The following EPB41L4A variants were observed in gnomAD, a reference collection of about 807,000 sequenced individuals.
EPB41L4A encodes erythrocyte membrane protein band 4.1 like 4A, also known as band 4.1-like protein 4A.
In EPB41L4A, 100 loss-of-function variants were observed where a neutral mutation model predicts 108.6. That is an observed-to-expected ratio of 0.92 (90% CI 0.78 to 1.09). The LOEUF (loss-of-function observed/expected upper bound fraction) is 1.09, where lower values mean the gene tolerates loss of function less well. Among genes scored for constraint, EPB41L4A ranks in the 50% least tolerant of loss-of-function variants. The pLI, the probability that EPB41L4A is intolerant of heterozygous loss-of-function variation, is 0.00. For synonymous variants in EPB41L4A, 319 were observed against 289.0 expected, an observed-to-expected ratio of 1.10 and a Z score of -1.05; for missense variants, 1,030 against 842.7, an observed-to-expected ratio of 1.22 and a Z score of -2.75.
intron 18 of EPB41L4A, among the ~76,000 whole-genome samples, chr5:112,172,949 A>G (rs1357971601): frequency 2.0e-5 from 3 of 152,222 alleles, no homozygotes; most frequent in African/African-American, 7.2e-5. Flanking sequence ...TAGCATGATC[A>G]GTAGCACCTG....
At chr5:112,330,756 TA>T (rs544029271) in intron 1 of EPB41L4A, among the ~76,000 whole-genome samples, 291 of 143,260 alleles carry the variant, frequency 2.0e-3, no homozygotes, top group South Asian at 3.1e-3. Context: ...GGTATAGGTT[TA>T]AAAAAAAAAA....
chr5:112,264,978 C>T lies in EPB41L4A; in HGVS notation c.472G>A (p.Gly158Arg). Residue 158 changes from glycine (G) to arginine (R), a missense_variant, in exon 6 of 23, where the codon GGA becomes AGA. Physicochemically the swap from Gly to Arg is moderately radical, Grantham distance 125. Transcript: ENST00000261486. ...GDYDPYKHTAGYVSEYRFVPD... is the reference protein window; with the variant it reads ...GDYDPYKHTARYVSEYRFVPD... ...ACAAACCGGTACTCAGATACATATC[C>T]TGCAGTATGTTTATATGGGTCATAA... The T allele has an allele frequency of 1.2e-6, 2 of 1,610,658 alleles. No individual in the cohort carries two copies. Among genetic ancestry groups the T allele is most frequent in the Non-Finnish European group, 1.7e-6 (2 of 1,178,466 alleles).
intron 11 of EPB41L4A, among the ~76,000 whole-genome samples, chr5:112,237,060 C>T (rs1234710020): frequency 6.6e-6 from 1 of 152,164 alleles, no homozygotes; most frequent in African/African-American, 2.4e-5. Context: ...TCTCAATTCT[C>T]AAGTGTAAAT....
Position 112,338,598 on chromosome 5 carries a change from A to ACC in EPB41L4A, c.100-31110_100-31109dup, listed in dbSNP as rs60008914. On this transcript the variant is annotated intron_variant, in intron 1 of 22. Coordinates refer to ENST00000261486, the MANE Select transcript of EPB41L4A (RefSeq NM_022140.5). Reference sequence around the variant, plus strand: ...TCTACCAGCGTATATAAAAAAGAACACCCCCCGCCACCACACACAAAAAGA... The same window carrying ACC: ...TCTACCAGCGTATATAAAAAAGAACACCCCCCCCGCCACCACACACAAAAAGA... 1.3e-4 allele frequency among the ~76,000 whole-genome samples: 19 copies of ACC among 151,434 alleles called. No homozygotes were observed. In the East Asian group the frequency reaches 1.4e-3, roughly 11 times the overall value.
intron 2 of EPB41L4A, among the ~76,000 whole-genome samples, chr5:112,294,703 G>A (rs55637388): frequency 0.2 from 30,780 of 151,800 alleles, 4,260 homozygotes; most frequent in African/African-American, 0.39. Context: ...GAGACACTAT[G>A]GTACAGCTAA....
intron 1 of EPB41L4A, among the ~76,000 whole-genome samples, chr5:112,359,652 T>C (rs1273505175): frequency 2.0e-5 from 3 of 152,058 alleles, no homozygotes; most frequent in Non-Finnish European, 4.4e-5. Context: ...ACCATTCTCC[T>C]GCCTCAGCCT....
intron 17 of EPB41L4A, among the ~76,000 whole-genome samples, chr5:112,187,203 T>C (rs925184563): frequency 1.3e-5 from 2 of 152,216 alleles, no homozygotes; most frequent in African/African-American, 4.8e-5. Context: ...CTATTAATTT[T>C]CAAATGTTGC....
chr5:112,403,337 C>CAAAAAAAAAAAAA (rs113132902), intron 1 of EPB41L4A, among the ~76,000 whole-genome samples: 1 of 78,654 alleles, frequency 1.3e-5, no homozygotes, highest in African/African-American at 3.5e-5. Context: ...TAATCCTCAG[C>CAAAAAAAAAAAAA]AAAAAAAAAA....
intron 9 of EPB41L4A, among the ~76,000 whole-genome samples, chr5:112,258,895 A>G (rs900819169): frequency 2.6e-5 from 4 of 152,190 alleles, no homozygotes; most frequent in Non-Finnish European, 5.9e-5. Flanking sequence ...AATGCAGGCT[A>G]TACCCTTCTG....
At chr5:112,371,204 T>C (rs1759472003) in intron 1 of EPB41L4A, among the ~76,000 whole-genome samples, 1 of 152,228 alleles carries the variant, frequency 6.6e-6, no homozygotes, top group Non-Finnish European at 1.5e-5. Context: ...CTAGCAGCTG[T>C]TAGCTAGCAT....
chr5:112,333,361 A>C (rs1409789154), intron 1 of EPB41L4A, among the ~76,000 whole-genome samples: 1 of 152,168 alleles, frequency 6.6e-6, no homozygotes, highest in Non-Finnish European at 1.5e-5. Flanking sequence ...TGCTGACCTT[A>C]CCAGCCAATT....
chr5:112,419,112 G>A lies in EPB41L4A; in HGVS notation c.-73C>T, dbSNP rs1039277557. On this transcript the variant is annotated 5_prime_UTR_variant, in exon 1 of 23. Coordinates refer to ENST00000261486, the MANE Select transcript of EPB41L4A (RefSeq NM_022140.5). ...GCCCAGCCGCCCCCTCCACTCAAGC[G>A]CGATGCATTAATTTATTGTCCGCGC... 5 of 1,133,742 alleles carry A rather than the reference G, an allele frequency of 4.4e-6. No individual in the cohort carries two copies. The South Asian group carries it at 5.0e-5, about 11-fold the overall frequency. 70.2% of individuals were successfully genotyped at this position (1,133,742 alleles called of 1,614,324 possible). A position where few individuals can be genotyped will look rare whatever the true frequency, so the allele number is the denominator to read the frequency against.
chr5:112,255,374 T>C (rs1267830766), intron 9 of EPB41L4A, among the ~76,000 whole-genome samples: 1 of 152,204 alleles, frequency 6.6e-6, no homozygotes, highest in Non-Finnish European at 1.5e-5. Context: ...TAATTTCTTT[T>C]TCTGACTTTT....
intron 1 of EPB41L4A, among the ~76,000 whole-genome samples, chr5:112,395,350 A>T (rs1017062646): frequency 3.9e-5 from 6 of 152,258 alleles, no homozygotes; most frequent in African/African-American, 1.4e-4. Flanking sequence ...TACTCATCTG[A>T]CAAAGGACTA....
chr5:112,411,222 A>C (rs1264191387), intron 1 of EPB41L4A, among the ~76,000 whole-genome samples: 2 of 152,200 alleles, frequency 1.3e-5, no homozygotes, highest in East Asian at 1.9e-4. Flanking sequence ...CCAGAAAATA[A>C]GGAAGTTGGG....
chr5:112,225,524 T>C (rs1161454335), intron 12 of EPB41L4A, among the ~76,000 whole-genome samples: 3 of 152,228 alleles, frequency 2.0e-5, no homozygotes, highest in South Asian at 2.1e-4. Flanking sequence ...CAGTAATCTG[T>C]AGGGCTTTTG....
In EPB41L4A at chr5:112,204,401, A is replaced by C; in HGVS notation, c.1350T>G (p.Asn450Lys). Residue 450 changes from asparagine (N) to lysine (K), a missense_variant, in exon 15 of 23, where the codon AAT becomes AAG. Asn to Lys is a moderately conservative substitution (Grantham distance 94). Coordinates refer to ENST00000261486, the MANE Select transcript of EPB41L4A (RefSeq NM_022140.5). The stretch of plus-strand genomic sequence containing the variant: ...TCCTCCTCACAGGCTGTACAGAATC[A>C]TTGTCACTTCCACAGGAGGGGTTTC... ...RRRNPSCGSD[N>K]DSVQPVRRRK... The C allele has an allele frequency of 1.9e-6, 3 of 1,613,556 alleles. No homozygotes were observed. The highest frequency in any genetic ancestry group is 2.5e-6 in the Non-Finnish European group (3 of 1,179,526).
chr5:112,330,019 G>A (rs892066351), intron 1 of EPB41L4A, among the ~76,000 whole-genome samples: 12 of 152,040 alleles, frequency 7.9e-5, no homozygotes, highest in Non-Finnish European at 1.2e-4. Context: ...CTGCACCACA[G>A]ACTGGCTTGA....
chr5:112,241,633 A>G (rs1749791847), intron 9 of EPB41L4A, among the ~76,000 whole-genome samples: 1 of 152,212 alleles, frequency 6.6e-6, no homozygotes, highest in East Asian at 1.9e-4. Context: ...TAAGTAATCT[A>G]AAAATGACTT....
Sources: allele counts gnomAD v4.1 joint callset (sites outside exome capture counted in the v4.1 genomes callset), GRCh38; gene constraint gnomAD v4.1.1; transcripts MANE v1.5; gene names NCBI Gene and HGNC (gene_info 2026-07-23, HGNC 2026-07-21).